The following IPCEF1 variants were observed in gnomAD, a reference collection of about 807,000 sequenced individuals.
IPCEF1 encodes interaction protein for cytohesin exchange factors 1.
In IPCEF1, 31 loss-of-function variants were observed where a neutral mutation model predicts 50.9. That is an observed-to-expected ratio of 0.61 (90% CI 0.46 to 0.82). The LOEUF (loss-of-function observed/expected upper bound fraction) is 0.82, where lower values mean the gene tolerates loss of function less well. Ranked by LOEUF, IPCEF1 falls within the 40% of genes least tolerant of loss-of-function variation. IPCEF1 has a pLI of 0.00. For missense variants in IPCEF1, 458 were observed against 514.0 expected, an observed-to-expected ratio of 0.89 and a Z score of 1.05; for synonymous variants, 181 against 192.0, an observed-to-expected ratio of 0.94 and a Z score of 0.47.
rs182768432 is a variant in IPCEF1, at chr6:154,351,573, G to C, written c.-62+5099C>G. Among the ~76,000 whole-genome samples, 30 of 152,304 alleles carry C rather than the reference G, an allele frequency of 2.0e-4. No homozygotes were observed. In the East Asian group the frequency reaches 5.6e-3, roughly 28 times the overall value. On this transcript the variant is annotated intron_variant, in intron 1 of 11. Transcript: ENST00000367220. ...ATCTGCTCTGCTCAGACTCGCCCTT[G>C]GTGTCAAATCACTATTTATATAACA...
chr6:154,172,754 G>A (rs1799979318), intron 10 of IPCEF1, among the ~76,000 whole-genome samples: 1 of 152,256 alleles, frequency 6.6e-6, no homozygotes, highest in African/African-American at 2.4e-5. Flanking sequence ...AAAGGCAGCA[G>A]ACAACTTCTG....
At chr6:154,301,311 G>A (rs1017317275) in intron 1 of IPCEF1, among the ~76,000 whole-genome samples, 4 of 152,112 alleles carry the variant, frequency 2.6e-5, no homozygotes, top group African/African-American at 9.7e-5. Flanking sequence ...CATCTCCTGG[G>A]GCCATGCACT....
chr6:154,284,699 T>G (rs113291091), intron 2 of IPCEF1, among the ~76,000 whole-genome samples: 1 of 151,994 alleles, frequency 6.6e-6, no homozygotes, highest in African/African-American at 2.4e-5. Flanking sequence ...ACATACAGTG[T>G]GGGTAAGAAA....
At chr6:154,350,100 G>A (rs1784096557) in intron 1 of IPCEF1, among the ~76,000 whole-genome samples, 1 of 152,016 alleles carries the variant, frequency 6.6e-6, no homozygotes, top group African/African-American at 2.4e-5. Context: ...CTAAATTTAT[G>A]GATCAAAGTG....
intron 3 of IPCEF1, among the ~76,000 whole-genome samples, chr6:154,252,126 A>G (rs2128646491): frequency 6.6e-6 from 1 of 152,344 alleles, no homozygotes. Context: ...TTGTCACTGT[A>G]TAAAGAGTAG....
At chr6:154,355,070 C>A (rs1784193017) in intron 1 of IPCEF1, among the ~76,000 whole-genome samples, 1 of 151,446 alleles carries the variant, frequency 6.6e-6, no homozygotes, top group Admixed American at 6.6e-5. Flanking sequence ...GACCTACTTG[C>A]AAATTGTTAA....
At chr6:154,246,961 T>A (rs1781102149) in intron 4 of IPCEF1, 1 of 533,428 alleles carries the variant, frequency 1.9e-6, no homozygotes, top group African/African-American at 1.9e-5. Context: ...AAGCCATGTG[T>A]CTGTTTTATT....
chr6:154,251,775 G>T (rs1583907581), intron 3 of IPCEF1, among the ~76,000 whole-genome samples: 1 of 152,204 alleles, frequency 6.6e-6, no homozygotes, highest in Non-Finnish European at 1.5e-5. Flanking sequence ...AGGAAAAGAA[G>T]AAATGAAAGG....
intron 1 of IPCEF1, among the ~76,000 whole-genome samples, chr6:154,330,455 G>T (rs774865655): frequency 6.7e-6 from 1 of 149,144 alleles, no homozygotes; most frequent in Non-Finnish European, 1.5e-5. Context: ...TCCCACCTCG[G>T]TCCCCCGAGT....
intron 1 of IPCEF1, among the ~76,000 whole-genome samples, chr6:154,313,141 G>C (rs1317340926): frequency 6.7e-6 from 1 of 150,374 alleles, no homozygotes; most frequent in African/African-American, 2.5e-5. Flanking sequence ...GGAGACTGTG[G>C]AGGGCAGATC....
intron 2 of IPCEF1, among the ~76,000 whole-genome samples, chr6:154,278,433 A>G (rs1468895500): frequency 6.6e-6 from 1 of 152,184 alleles, no homozygotes; most frequent in Non-Finnish European, 1.5e-5. Context: ...GTATGGATGC[A>G]AAAGTGATCT....
intron 2 of IPCEF1, among the ~76,000 whole-genome samples, chr6:154,283,556 C>G (rs1782282677): frequency 6.7e-6 from 1 of 149,760 alleles, no homozygotes; most frequent in Non-Finnish European, 1.5e-5. Context: ...TGAGATCGCG[C>G]CACTGCACTC....
Position 154,219,951 on chromosome 6 carries a change from C to A in IPCEF1, c.392+1306G>T, listed in dbSNP as rs142177056. Among the ~76,000 whole-genome samples, 1,010 of 151,226 alleles carry A rather than the reference C, an allele frequency of 6.7e-3. 15 individuals carry two copies. The highest frequency in any genetic ancestry group is 0.023 in the African/African-American group (927 of 41,086). Reference sequence around the variant, plus strand: ...GGATAGGGGACAGATGAGAGTCCTTCTAGCTGGACAGAGCTGAGCGGATAC... The same window carrying A: ...GGATAGGGGACAGATGAGAGTCCTTATAGCTGGACAGAGCTGAGCGGATAC... On this transcript the variant is annotated intron_variant, in intron 7 of 11. Transcript: ENST00000367220.
At chr6:154,182,041 T>C (rs980340746) in intron 10 of IPCEF1, among the ~76,000 whole-genome samples, 10 of 152,064 alleles carry the variant, frequency 6.6e-5, no homozygotes, top group African/African-American at 2.4e-4. Context: ...ATCCCAGAAC[T>C]TAAAATTAAA....
Position 154,247,387 on chromosome 6 carries a change from G to A in IPCEF1, c.76+62C>T, listed in dbSNP as rs1023595083. On this transcript the variant is annotated intron_variant, in intron 4 of 11. Coordinates refer to ENST00000367220, the MANE Select transcript of IPCEF1 (RefSeq NM_001130700.2). ...AATCTGATCCCAAGGAAGGCACCCC[G>A]GAGAAAAGCCACACTCAACGTACAC... The A allele has an allele frequency of 3.1e-5, 42 of 1,350,630 alleles. No individual in the cohort carries two copies. In the Middle Eastern group the frequency reaches 9.1e-4, roughly 29 times the overall value. The allele number at this position is 1,350,630 out of a possible 1,614,324, so 83.7% of individuals were successfully genotyped here.
At chr6:154,326,283 A>AT (rs2128690453) in intron 1 of IPCEF1, among the ~76,000 whole-genome samples, 1 of 152,078 alleles carries the variant, frequency 6.6e-6, no homozygotes, top group East Asian at 1.9e-4. Flanking sequence ...AAAAATACAC[A>AT]TTTTGGCAGA....
At chr6:154,173,999 G>A (rs1800090132) in intron 10 of IPCEF1, among the ~76,000 whole-genome samples, 1 of 152,202 alleles carries the variant, frequency 6.6e-6, no homozygotes, top group Admixed American at 6.5e-5. Flanking sequence ...CAAGCCAGAA[G>A]AGAGTGGGGG....
rs372340512 is a variant in IPCEF1, at chr6:154,168,550, GAGGTATT to G, written c.911-444_911-438del. Among the ~76,000 whole-genome samples the G allele has an allele frequency of 3.2e-4, 48 of 152,164 alleles. No homozygotes were observed. Among genetic ancestry groups the G allele is most frequent in the African/African-American group, 1.1e-3 (44 of 41,504 alleles). On this transcript the variant is annotated intron_variant, in intron 10 of 11. Coordinates refer to ENST00000367220, the MANE Select transcript of IPCEF1 (RefSeq NM_001130700.2). The surrounding 1 kb of genome is among the most constrained non-coding windows in gnomAD (Gnocchi z 4.1). ...CCATTTCCCAATAAGGTCACATTCT[GAGGTATT>G]AGGGGTTAGGACGTCAACATACGAA...
intron 10 of IPCEF1, among the ~76,000 whole-genome samples, chr6:154,196,125 T>G (rs1776608187): frequency 6.6e-6 from 1 of 152,152 alleles, no homozygotes; most frequent in Non-Finnish European, 1.5e-5. Flanking sequence ...TAGCACAAAG[T>G]ACATCAGCAC....
Sources: gnomAD v4.1 joint callset for allele counts (sites outside exome capture counted in the v4.1 genomes callset) on GRCh38, gnomAD v4.1.1 for gene constraint, Gnocchi (gnomAD v3.1) non-coding constraint, MANE v1.5 for transcripts, NCBI Gene and HGNC (gene_info 2026-07-23, HGNC 2026-07-21) for gene names.